Variants in CREM observed in about 807,000 individuals in gnomAD.
The protein encoded by CREM is cAMP responsive element modulator, also known as cAMP-responsive element modulator.
A neutral mutation model predicts 37.3 loss-of-function variants in CREM; 13 were observed. The observed-to-expected ratio is 0.35, with a 90% CI of 0.23 to 0.55. The LOEUF is 0.55. Ranked by LOEUF, CREM falls within the 20% of genes least tolerant of loss-of-function variation. The pLI is 0.88. For synonymous variants in CREM, 124 were observed against 120.2 expected, an observed-to-expected ratio of 1.03 and a Z score of -0.21; for missense variants, 296 against 362.3, an observed-to-expected ratio of 0.82 and a Z score of 1.49.
chr10:35,175,673 TGACTGTTCCAG>T (rs777962211), intron 3 of CREM: 1 of 1,614,000 alleles, frequency 6.2e-7, no homozygotes, highest in Admixed American at 1.7e-5. Flanking sequence ...CATCAGAAAA[TGACTGTTCCAG>T]GACAGTAACC....
At chr10:35,147,220 A>T (rs2092235301) in intron 2 of CREM, among the ~76,000 whole-genome samples, 4 of 150,914 alleles carry the variant, frequency 2.7e-5, no homozygotes, top group Admixed American at 6.6e-5. Context: ...CGCCCGGCTA[A>T]TTTTTCGTAT....
rs543089873 is a variant in CREM at position 35,144,284 on chromosome 10, T to G, written c.45-4084T>G. 2.0e-5 allele frequency among the ~76,000 whole-genome samples: 3 copies of G among 152,286 alleles called. No individual in the cohort carries two copies. In the East Asian group the frequency reaches 5.8e-4, roughly 29 times the overall value. ...CAACGCCTCATGGTATCCTGACTGA[T>G]GTTTAGCTTTGTGGGGTTGCTTTTT... On this transcript the variant is annotated intron_variant, in intron 2 of 7. Transcript: ENST00000685392.
intron 3 of CREM, among the ~76,000 whole-genome samples, chr10:35,158,817 G>GTTTTTTTTTTTTTTTTTTT (rs1491230780): frequency 6.2e-5 from 4 of 65,032 alleles, no homozygotes; most frequent in African/African-American, 1.8e-4. Flanking sequence ...TTGTTGTTTT[G>GTTTTTTTTTTTTTTTTTTT]TTTGTTTTTT....
At chr10:35,204,524 A>G (rs747784562) in intron 6 of CREM, among the ~76,000 whole-genome samples, 1 of 150,826 alleles carries the variant, frequency 6.6e-6, no homozygotes, top group Admixed American at 6.6e-5. Context: ...CACTTGAACC[A>G]GGGAGTAGAA....
chr10:35,204,001 A>G (rs1564988731), intron 6 of CREM, among the ~76,000 whole-genome samples: 1 of 152,148 alleles, frequency 6.6e-6, no homozygotes. Flanking sequence ...GACCTAGGTG[A>G]CCACCAGCTG....
At chr10:35,148,653 C>T in intron 3 of CREM, 162 bp downstream of exon 3, 2 of 789,530 alleles carry the variant, frequency 2.5e-6, no homozygotes, top group South Asian at 2.1e-5. Context: ...TGTAATTAGC[C>T]TTGCATTTTA....
chr10:35,188,916 T>C lies in CREM; in HGVS notation c.598+528T>C, dbSNP rs978500667. Among the ~76,000 whole-genome samples the C allele has an allele frequency of 3.3e-5, 5 of 152,186 alleles. No individual in the cohort carries two copies. In the South Asian group the frequency reaches 8.3e-4, roughly 25 times the overall value. ...CAGATGGAGTCGTCCTGACCTCAGG[T>C]GGAGGCCTCAGCCTCCTAAAGTGCT... is the stretch of plus-strand genomic sequence containing the variant. On this transcript the variant is annotated intron_variant, in intron 6 of 7. Coordinates refer to ENST00000685392, the MANE Select transcript of CREM (RefSeq NM_183011.2).
At chr10:35,173,935 G>T (rs888171260) in intron 3 of CREM, among the ~76,000 whole-genome samples, 15 of 152,344 alleles carry the variant, frequency 9.8e-5, no homozygotes, top group African/African-American at 3.1e-4. Flanking sequence ...TCTTTTGAGA[G>T]TTAGTCACTA....
At chr10:35,175,218 T>C (rs745646061) in intron 3 of CREM, among the ~76,000 whole-genome samples, 8 of 152,232 alleles carry the variant, frequency 5.3e-5, no homozygotes, top group South Asian at 2.1e-4. Flanking sequence ...GAGGCCAAGG[T>C]GGGCAGATCA....
At chr10:35,140,876 G>C (rs1439602863) in intron 2 of CREM, among the ~76,000 whole-genome samples, 2 of 152,194 alleles carry the variant, frequency 1.3e-5, no homozygotes, top group Admixed American at 6.5e-5. Context: ...AAAAATGTCT[G>C]ATTAGGAGGC....
At chr10:35,158,798 GTTTTTTTTTTGTTGTTTTGTTTGT>G (rs748252641) in intron 3 of CREM, among the ~76,000 whole-genome samples, 1,158 of 100,804 alleles carry the variant, frequency 0.011, 19 homozygotes, top group Middle Eastern at 0.028. Flanking sequence ...CAAATATAGT[GTTTTTTTTTTGTTGTTTTGTTTGT>G]TTTTTTTTTT....
chr10:35,147,143 T>C (rs1393623651), intron 2 of CREM, among the ~76,000 whole-genome samples: 2 of 148,146 alleles, frequency 1.4e-5, no homozygotes, highest in African/African-American at 5.0e-5. Flanking sequence ...CTCTGCCTCC[T>C]GGGTTCACGC....
At chr10:35,190,059 A>G (rs898584199) in intron 6 of CREM, among the ~76,000 whole-genome samples, 5 of 152,332 alleles carry the variant, frequency 3.3e-5, no homozygotes, top group Admixed American at 1.3e-4. Flanking sequence ...CTCATGGACC[A>G]TATTTATGTC....
intron 1 of CREM, among the ~76,000 whole-genome samples, chr10:35,134,804 G>A (rs1400128710): frequency 3.3e-5 from 5 of 152,042 alleles, no homozygotes; most frequent in Admixed American, 3.3e-4. Flanking sequence ...TTGGGAGGCC[G>A]AGGCAGGCGG....
intron 3 of CREM, among the ~76,000 whole-genome samples, chr10:35,160,679 T>A (rs886894531): frequency 6.6e-6 from 1 of 151,794 alleles, no homozygotes; most frequent in African/African-American, 2.4e-5. Context: ...AGTTTTTTAC[T>A]TTTTGACTTT....
At position 35,126,928 on chromosome 10, in the gene CREM, C is replaced by T. The variant is rs897646776; in HGVS notation, c.-320C>T. ...CCTGGATTTTTTTCCTCGGGGCCTC[C>T]CCCGGGAGGCCGTCCCGGCGTGGGG... On this transcript the variant is annotated 5_prime_UTR_variant, in exon 1 of 8. Coordinates refer to ENST00000685392, the MANE Select transcript of CREM (RefSeq NM_183011.2). 1.3e-5 allele frequency: 2 copies of T among 152,184 alleles called. No individual in the cohort carries two copies. Among genetic ancestry groups the T allele is most frequent in the African/African-American group, 4.8e-5 (2 of 41,428 alleles). 9.4% of individuals were successfully genotyped at this position (152,184 alleles called of 1,614,324 possible).
intron 6 of CREM, among the ~76,000 whole-genome samples, chr10:35,190,919 C>T (rs1188575347): frequency 6.6e-6 from 1 of 152,120 alleles, no homozygotes; most frequent in African/African-American, 2.4e-5. Context: ...ACCTCAGCCT[C>T]CCGAAGTGCT....
At chr10:35,148,585 C>T in intron 3 of CREM, 94 bp downstream of exon 3, 1 of 1,364,350 alleles carries the variant, frequency 7.3e-7, no homozygotes, top group Non-Finnish European at 1.0e-6. Flanking sequence ...TTAAATTTTC[C>T]ATGTTCCCTG....
chr10:35,154,734 A>T (rs949789203), intron 3 of CREM, among the ~76,000 whole-genome samples: 13 of 152,190 alleles, frequency 8.5e-5, no homozygotes, highest in African/African-American at 1.4e-4. Flanking sequence ...AATAAATGCT[A>T]AATCTGTATT....
Sources: allele counts gnomAD v4.1 joint callset (sites outside exome capture counted in the v4.1 genomes callset), GRCh38; gene constraint gnomAD v4.1.1; transcripts MANE v1.5; gene names NCBI Gene and HGNC (gene_info 2026-07-23, HGNC 2026-07-21).